Variants in HDLBP observed in about 807,000 individuals in gnomAD.
HDLBP encodes high density lipoprotein binding protein.
HDLBP carries 30 observed loss-of-function variants against 137.3 expected under a neutral mutation model. That is an observed-to-expected ratio of 0.22 (90% CI 0.16 to 0.30). The LOEUF (loss-of-function observed/expected upper bound fraction) is 0.30. Among genes scored for constraint, HDLBP ranks in the 10% least tolerant of loss-of-function variants. HDLBP has a pLI of 1.00. For synonymous variants in HDLBP, 606 were observed against 596.0 expected (o/e 1.02, Z -0.24); for missense variants, 1,119 against 1,667.3 (o/e 0.67, Z 5.73).
intron 4 of HDLBP, among the ~76,000 whole-genome samples, chr2:241,263,928 T>C (rs1176948028): frequency 2.0e-5 from 3 of 152,122 alleles, no homozygotes. Context: ...GAAACATCTC[T>C]GGGGTGGGGG....
At chr2:241,315,086 A>C (rs2075988783) in intron 1 of HDLBP, 1 of 151,116 alleles carries the variant, frequency 6.6e-6, no homozygotes, top group Admixed American at 6.6e-5. Flanking sequence ...CTCGCGGAGC[A>C]CTCCCCAGGT....
intron 4 of HDLBP, among the ~76,000 whole-genome samples, chr2:241,263,821 G>T (rs1429014992): frequency 6.6e-6 from 1 of 152,114 alleles, no homozygotes; most frequent in Non-Finnish European, 1.5e-5. Context: ...ACAGAAAACA[G>T]GACCCATTCA....
intron 5 of HDLBP, among the ~76,000 whole-genome samples, chr2:241,260,260 C>A (rs1468508880): frequency 6.6e-6 from 1 of 152,200 alleles, no homozygotes; most frequent in Non-Finnish European, 1.5e-5. Context: ...CCCGCCTCAG[C>A]CTCCCAAAGT....
intron 16 of HDLBP, among the ~76,000 whole-genome samples, chr2:241,245,180 C>CT: frequency 6.7e-6 from 1 of 149,264 alleles, no homozygotes; most frequent in Non-Finnish European, 1.5e-5. Context: ...ACATCATAAT[C>CT]TTTTTTCTTT....
chr2:241,313,999 T>A (rs2075869477), intron 1 of HDLBP, among the ~76,000 whole-genome samples: 1 of 152,192 alleles, frequency 6.6e-6, no homozygotes, highest in South Asian at 2.1e-4. Context: ...GAAAGTTTAA[T>A]CCTCATGATG....
At chr2:241,287,704 G>C (rs999939363) in intron 1 of HDLBP, among the ~76,000 whole-genome samples, 1 of 152,224 alleles carries the variant, frequency 6.6e-6, no homozygotes, top group Non-Finnish European at 1.5e-5. Flanking sequence ...TTACAGGTGT[G>C]AGCCACTGCG....
chr2:241,266,997 C>T, intron 2 of HDLBP, 91 bp from the exon 3 acceptor site: 2 of 929,276 alleles, frequency 2.2e-6, no homozygotes, highest in Non-Finnish European at 3.5e-6. Flanking sequence ...AAGTTTTACT[C>T]TCTTTTTTAC....
intron 16 of HDLBP, among the ~76,000 whole-genome samples, chr2:241,245,881 T>C (rs915165937): frequency 5.3e-5 from 8 of 152,312 alleles, no homozygotes; most frequent in African/African-American, 1.7e-4. Context: ...GGCATCATTT[T>C]ATAATGGCAC....
intron 16 of HDLBP, 196 bp from the exon 17 acceptor site, chr2:241,242,874 G>C (rs2071380969): frequency 1.7e-6 from 1 of 598,656 alleles, no homozygotes; most frequent in Non-Finnish European, 3.0e-6. Flanking sequence ...GTCCTGGGGA[G>C]AGTGGGGTGC....
chr2:241,290,827 A>G (rs2074991470), intron 1 of HDLBP, among the ~76,000 whole-genome samples: 1 of 152,220 alleles, frequency 6.6e-6, no homozygotes, highest in African/African-American at 2.4e-5. Context: ...AGCATCAGAG[A>G]ATTATTTAAC....
intron 15 of HDLBP, 52 bp from the exon 16 acceptor site, chr2:241,246,935 G>A: frequency 6.2e-7 from 1 of 1,607,098 alleles, no homozygotes. Flanking sequence ...TCCCAGAGTT[G>A]AGACACAGTT....
chr2:241,255,623 G>A, intron 7 of HDLBP, 43 bp from the exon 8 acceptor site: 1 of 1,528,208 alleles, frequency 6.5e-7, no homozygotes, highest in South Asian at 1.1e-5. Context: ...GGAAAGGTGT[G>A]GGAAGCGGGC....
intron 1 of HDLBP, among the ~76,000 whole-genome samples, chr2:241,304,361 T>C (rs1020177438): frequency 2.6e-5 from 4 of 152,194 alleles, no homozygotes; most frequent in Non-Finnish European, 5.9e-5. Flanking sequence ...TGTGCATCCA[T>C]CACATGAATT....
Position 241,262,855 on chromosome 2 carries a change from T to C in HDLBP, c.306A>G (p.Lys102=). The C allele has an allele frequency of 6.2e-7, 1 of 1,614,106 alleles. No homozygotes were observed. Among genetic ancestry groups the C allele is most frequent in the Non-Finnish European group, 8.5e-7 (1 of 1,180,002 alleles). The change falls in exon 5 of 28, where the codon AAA becomes AAG. Residue 102 remains lysine (K), a synonymous_variant. Coordinates refer to ENST00000310931, the MANE Select transcript of HDLBP (RefSeq NM_005336.6). ...TTCTCTGCATGATCTCAAGGCAGAT[T>C]TTTGCTTGTTCACCTTCTCCAAACT... ...MNQFGEGEQA[K]ICLEIMQRTG...
At chr2:241,286,220 G>C (rs1285756722) in intron 1 of HDLBP, among the ~76,000 whole-genome samples, 1 of 152,122 alleles carries the variant, frequency 6.6e-6, no homozygotes, top group Non-Finnish European at 1.5e-5. Flanking sequence ...TTGGGAGGTT[G>C]AGGTGGGTAG....
Position 241,242,513 on chromosome 2 carries a change from A to G in HDLBP, c.2116T>C (p.Ser706Pro). The change falls in exon 17 of 28, where the codon TCC (serine) becomes CCC (proline). Residue 706 changes from serine (S) to proline (P), a missense_variant. Ser to Pro is a moderately conservative substitution (Grantham distance 74). Coordinates refer to ENST00000310931, the MANE Select transcript of HDLBP (RefSeq NM_005336.6). ...GSDTVVIRGP[S>P]SDVEKAKKQL... ...TTCTTGGCCTTCTCCACATCCGAGG[A>G]AGGGCCCCTGATAACAACGGTGTCG... The G allele has an allele frequency of 6.2e-7, 1 of 1,614,114 alleles. No homozygotes were observed. Among genetic ancestry groups the G allele is most frequent in the Non-Finnish European group, 8.5e-7 (1 of 1,180,024 alleles).
intron 21 of HDLBP, 107 bp downstream of exon 21, chr2:241,236,508 G>T: frequency 8.9e-7 from 1 of 1,121,398 alleles, no homozygotes; most frequent in Non-Finnish European, 1.3e-6. Context: ...TACCTCCACT[G>T]CCACTGCCGC....
chr2:241,260,608 G>A (rs960868659), intron 5 of HDLBP, among the ~76,000 whole-genome samples: 2 of 152,170 alleles, frequency 1.3e-5, no homozygotes, highest in Admixed American at 6.5e-5. Flanking sequence ...AACCCTTAAC[G>A]AATTTGGGCA....
chr2:241,301,173 G>A (rs554635834), intron 1 of HDLBP, among the ~76,000 whole-genome samples: 11 of 148,064 alleles, frequency 7.4e-5, no homozygotes, highest in Non-Finnish European at 1.2e-4. Flanking sequence ...ATTTTTAGTA[G>A]AGACGGGGCT....
Sources: allele counts gnomAD v4.1 joint callset (sites outside exome capture counted in the v4.1 genomes callset), GRCh38; gene constraint gnomAD v4.1.1; transcripts MANE v1.5; gene names NCBI Gene and HGNC (gene_info 2026-07-23, HGNC 2026-07-21).